The following SERBP1 variants were observed in gnomAD, a reference collection of about 807,000 sequenced individuals.
SERBP1 encodes SERPINE1 mRNA binding protein 1.
Under a neutral mutation model 50.2 loss-of-function variants are expected in SERBP1, and 6 were observed. The ratio of observed to expected loss-of-function variants is 0.12; its 90% CI spans 0.07 to 0.24. The LOEUF (loss-of-function observed/expected upper bound fraction) is 0.24. Among genes scored for constraint, SERBP1 ranks in the 10% least tolerant of loss-of-function variants. The pLI is 1.00. For missense variants in SERBP1, 346 were observed against 524.9 expected (o/e 0.66, Z 3.33); for synonymous variants, 168 against 182.8 (o/e 0.92, Z 0.65).
rs772921795 is a variant in SERBP1 at position 67,424,936 on chromosome 1, C to T, written c.647G>A (p.Arg216His). Residue 216 changes from arginine (R) to histidine (H), a missense_variant, in exon 4 of 8, where the codon CGT becomes CAT. Coordinates refer to ENST00000361219, the MANE Select transcript of SERBP1 (RefSeq NM_001018069.2). ...CCAGTTGTGAGATCCGCTACCTCCA[C>T]GTTTGTCCTCGTGCTTCAGGCCACT... ...HYSGLKHEDKRGGSGSHNWGT... is the reference protein window; with the variant it reads ...HYSGLKHEDKHGGSGSHNWGT... 8.1e-6 allele frequency: 13 copies of T among 1,612,690 alleles called. No individual in the cohort carries two copies. Among genetic ancestry groups the T allele is most frequent in the Admixed American group, 5.0e-5 (3 of 60,000 alleles).
rs1274570703 is a variant in SERBP1, at chr1:67,408,272, C to A, written c.*4935G>T. The A allele has an allele frequency of 6.6e-6, 1 of 152,098 alleles. No homozygotes were observed. The highest frequency in any genetic ancestry group is 6.5e-5 in the Admixed American group (1 of 15,270). The allele number at this position is 152,098 out of a possible 1,614,324, so 9.4% of individuals were successfully genotyped here. A position where few individuals can be genotyped will look rare whatever the true frequency, so the allele number is the denominator to read the frequency against. On this transcript the variant is annotated 3_prime_UTR_variant, in exon 8 of 8. Coordinates refer to ENST00000361219, the MANE Select transcript of SERBP1 (RefSeq NM_001018069.2). ...GAATCAGAACTCAGATACAAAGTTA[C>A]CACCAGGCATCTTTTATATATACTT...
At position 67,430,104 on chromosome 1, in the gene SERBP1, G is replaced by A. The variant is rs771250344; in HGVS notation, c.197C>T (p.Ala66Val). 44 of 1,612,432 alleles carry A rather than the reference G, an allele frequency of 2.7e-5. No homozygotes were observed. The highest frequency in any genetic ancestry group is 3.6e-5 in the Non-Finnish European group (43 of 1,179,846). Residue 66 changes from alanine (A) to valine (V), a missense_variant, in exon 1 of 8, where the codon GCA becomes GTA. Ala to Val is a moderately conservative substitution (Grantham distance 64, BLOSUM62 0). Transcript: ENST00000361219. ...GGACTCCTTGCGCAGCTGTTTGCCT[G>A]CCGCGTTGGAGTTGGTCTGGGCCGC... ...QAAAQTNSNA[A>V]GKQLRKESQK...
rs1189292683 is a variant in SERBP1, at chr1:67,422,472, T to G, written c.773+1728A>C. 2.0e-5 allele frequency among the ~76,000 whole-genome samples: 3 copies of G among 149,836 alleles called. No individual in the cohort carries two copies. In the South Asian group the frequency reaches 6.3e-4, roughly 32 times the overall value. ...TTGCAGTGAGCCGAGATCACGCCAT[T>G]GCACTCCAGCACAGGCAACAAGAGC... On this transcript the variant is annotated intron_variant, in intron 5 of 7. Transcript: ENST00000361219.
intron 1 of SERBP1, among the ~76,000 whole-genome samples, chr1:67,428,170 T>C (rs1667450261): frequency 1.3e-5 from 2 of 152,230 alleles, no homozygotes. Context: ...TTGTATTTTA[T>C]GCAACTTAAC....
intron 2 of SERBP1, 140 bp downstream of exon 2, chr1:67,425,995 C>T (rs1249954034): frequency 7.6e-6 from 5 of 656,102 alleles, no homozygotes; most frequent in South Asian, 5.0e-5. Flanking sequence ...CCTTGTAGTC[C>T]GAGCTACTCA....
At position 67,409,352 on chromosome 1, in the gene SERBP1, CAAGCCTAAAAACCATTCTTAACTCAGGG is replaced by C; in HGVS notation, c.*3827_*3854del. The C allele has an allele frequency of 7.1e-6, 1 of 141,828 alleles. No individual in the cohort carries two copies. Among genetic ancestry groups the C allele is most frequent in the African/African-American group, 2.6e-5 (1 of 38,738 alleles). 8.8% of individuals were successfully genotyped at this position (141,828 alleles called of 1,614,324 possible). ...GGTTTTTTTTTTTTTTAATCCTATA[CAAGCCTAAAAACCATTCTTAACTCAGGG>C]ACACGGACACACACACACACACACA... On this transcript the variant is annotated 3_prime_UTR_variant, in exon 8 of 8. Transcript: ENST00000361219.
At chr1:67,416,607 T>C (rs1262137722) in intron 6 of SERBP1, among the ~76,000 whole-genome samples, 2 of 152,234 alleles carry the variant, frequency 1.3e-5, no homozygotes, top group African/African-American at 4.8e-5. Context: ...ACTTGTACTA[T>C]TACAATTCCA....
Position 67,415,192 on chromosome 1 carries a change from G to C in SERBP1, c.1099C>G (p.Pro367Ala). 6.2e-7 allele frequency: 1 copy of C among 1,600,742 alleles called. No individual in the cohort carries two copies. Among genetic ancestry groups the C allele is most frequent in the South Asian group, 1.1e-5 (1 of 88,582 alleles). ...TTGTCGGTCCTGCTGCCACGGTTTG[G>C]GCGCCCACCACGCCCACGTCCACCT... Reference protein sequence around the residue: ...GRGGRGRGGRPNRGSRTDKSS... With the variant: ...GRGGRGRGGRANRGSRTDKSS... Residue 367 changes from proline (P) to alanine (A), a missense_variant, in exon 7 of 8, where the codon CCA becomes GCA. Pro to Ala is a conservative substitution (Grantham distance 27). Transcript: ENST00000361219.
At chr1:67,413,622 C>T (rs1666909762) in intron 7 of SERBP1, among the ~76,000 whole-genome samples, 1 of 145,404 alleles carries the variant, frequency 6.9e-6, no homozygotes, top group African/African-American at 2.6e-5. Flanking sequence ...GCACTCCAGC[C>T]TGGGAAACAG....
chr1:67,417,277 C>T (rs1038033087), intron 6 of SERBP1: 3 of 151,952 alleles, frequency 2.0e-5, no homozygotes, highest in Non-Finnish European at 4.4e-5. Flanking sequence ...GCATGATCCC[C>T]ACAAGGATGA....
rs1161059089 is a variant in SERBP1, at chr1:67,410,273, C to T, written c.*2934G>A. ...ACCAATTGCACCAACCTAGTATTTT[C>T]GAAATCCAATACACATTTAGGCTTT... On this transcript the variant is annotated 3_prime_UTR_variant, in exon 8 of 8. Coordinates refer to ENST00000361219, the MANE Select transcript of SERBP1 (RefSeq NM_001018069.2). 2.0e-5 allele frequency: 3 copies of T among 152,132 alleles called. No homozygotes were observed. Among genetic ancestry groups the T allele is most frequent in the Admixed American group, 6.5e-5 (1 of 15,272 alleles). The allele number at this position is 152,132 out of a possible 1,614,324, so 9.4% of individuals were successfully genotyped here.
Position 67,430,152 on chromosome 1 carries a change from C to T in SERBP1, c.149G>A (p.Gly50Glu). ...CGCGGCCTGAGCTGCGCTCTTGGCCCCAGGGCCCCCAACGCCGCCCCCGCC... is the reference window on the plus strand; with the variant it reads ...CGCGGCCTGAGCTGCGCTCTTGGCCTCAGGGCCCCCAACGCCGCCCCCGCC... ...EAGGGGVGGPGAKSAAQAAAQ... is the reference protein window; with the variant it reads ...EAGGGGVGGPEAKSAAQAAAQ... The change falls in exon 1 of 8, where the codon GGG becomes GAG. Residue 50 changes from glycine (G) to glutamate (E), a missense_variant. Around this residue, in one of 5 missense-constraint regions of SERBP1, gnomAD observed 257 missense variants for 331.2 expected, o/e 0.78. Coordinates refer to ENST00000361219, the MANE Select transcript of SERBP1 (RefSeq NM_001018069.2). 6.2e-7 allele frequency: 1 copy of T among 1,611,204 alleles called. No individual in the cohort carries two copies. Among genetic ancestry groups the T allele is most frequent in the East Asian group, 2.2e-5 (1 of 44,868 alleles).
chr1:67,414,301 TA>T (rs1246819097), intron 7 of SERBP1, among the ~76,000 whole-genome samples: 1 of 151,922 alleles, frequency 6.6e-6, no homozygotes, highest in East Asian at 1.9e-4. Context: ...CTTTATAGCC[TA>T]AAGTATAAAT....
chr1:67,421,587 A>G (rs1478482764), intron 5 of SERBP1, among the ~76,000 whole-genome samples: 1 of 152,240 alleles, frequency 6.6e-6, no homozygotes, highest in Non-Finnish European at 1.5e-5. Flanking sequence ...CCAATAGCCT[A>G]TCAATACATT....
chr1:67,419,972 T>C (rs1037923506), intron 6 of SERBP1, 37 bp downstream of exon 6: 15 of 1,573,332 alleles, frequency 9.5e-6, no homozygotes, highest in Non-Finnish European at 1.3e-5. Context: ...TCAAGTCACA[T>C]CTGAACATTT....
chr1:67,409,413 A>ACACACACCCC lies in SERBP1; in HGVS notation c.*3784_*3793dup, dbSNP rs1445058738. ...CACACACACACACACACACACACACACACACACCCCCACACACACCAGGTC... is the reference window on the plus strand; with the variant it reads ...CACACACACACACACACACACACACACACACACCCCCACACACCCCCACACACACCAGGTC... On this transcript the variant is annotated 3_prime_UTR_variant, in exon 8 of 8. Transcript: ENST00000361219. 8.0e-6 allele frequency: 1 copy of ACACACACCCC among 125,482 alleles called. No individual in the cohort carries two copies. The highest frequency in any genetic ancestry group is 3.8e-5 in the African/African-American group (1 of 26,068). The allele number at this position is 125,482 out of a possible 1,614,324, so 7.8% of individuals were successfully genotyped here. A position where few individuals can be genotyped will look rare whatever the true frequency, so the allele number is the denominator to read the frequency against.
chr1:67,426,946 G>A (rs936551057), intron 1 of SERBP1, among the ~76,000 whole-genome samples: 4 of 152,082 alleles, frequency 2.6e-5, no homozygotes, highest in Non-Finnish European at 5.9e-5. Context: ...TCATCTTTTG[G>A]TCTTCTTAGC....
chr1:67,427,961 T>C (rs1667443046), intron 1 of SERBP1, among the ~76,000 whole-genome samples: 1 of 152,206 alleles, frequency 6.6e-6, no homozygotes, highest in Non-Finnish European at 1.5e-5. Flanking sequence ...AATTAATTCA[T>C]AAAACATAAA....
intron 5 of SERBP1, among the ~76,000 whole-genome samples, chr1:67,421,997 T>C (rs1176308058): frequency 2.0e-5 from 3 of 152,288 alleles, no homozygotes; most frequent in Non-Finnish European, 2.9e-5. Flanking sequence ...TAGGGTTCAT[T>C]TGTTAAGGCA....
Sources: allele counts gnomAD v4.1 joint callset (sites outside exome capture counted in the v4.1 genomes callset), GRCh38; gene constraint gnomAD v4.1.1; regional missense constraint gnomAD v4.1.1; transcripts MANE v1.5; gene names NCBI Gene and HGNC (gene_info 2026-07-23, HGNC 2026-07-21).